Variants in PLK1 observed in about 807,000 individuals in gnomAD.
PLK1 encodes polo like kinase 1.
A neutral mutation model predicts 56.7 loss-of-function variants in PLK1; 6 were observed. The observed-to-expected ratio is 0.11, with a 90% CI of 0.06 to 0.21. PLK1 has a LOEUF of 0.21. Ranked by LOEUF, PLK1 falls within the 10% of genes least tolerant of loss-of-function variation. PLK1 has a pLI of 1.00. For synonymous variants in PLK1, 298 were observed against 325.0 expected (o/e 0.92, Z 0.89); for missense variants, 546 against 814.4 (o/e 0.67, Z 4.01).
chr16:23,680,408 A>G (rs1333001956), intron 2 of PLK1, among the ~76,000 whole-genome samples, 156 bp downstream of exon 2: 2 of 152,186 alleles, frequency 1.3e-5, no homozygotes, highest in African/African-American at 4.8e-5. Flanking sequence ...TTTTTTACAA[A>G]GAATTTGAAT....
chr16:23,690,199 G>C lies in PLK1; in HGVS notation c.*136G>C, dbSNP rs1390842065. ...GGCTGGGCAGAGCTGCATCATCCTT[G>C]CAGGTGGGGGTTGCTGTATAAGTTA... On this transcript the variant is annotated 3_prime_UTR_variant, in exon 10 of 10. Coordinates refer to ENST00000300093, the MANE Select transcript of PLK1 (RefSeq NM_005030.6). 1.4e-6 allele frequency: 1 copy of C among 699,232 alleles called. No individual in the cohort carries two copies. The highest frequency in any genetic ancestry group is 2.5e-5 in the East Asian group (1 of 39,522). The allele number at this position is 699,232 out of a possible 1,614,324, so 43.3% of individuals were successfully genotyped here.
intron 5 of PLK1, 24 bp from the exon 6 acceptor site, chr16:23,687,445 C>A (rs1282399372): frequency 1.3e-6 from 2 of 1,531,994 alleles, no homozygotes; most frequent in Admixed American, 3.8e-5. Flanking sequence ...CTTCCCAACG[C>A]CCCTGTTTTT....
At chr16:23,687,830 A>T in intron 6 of PLK1, 1 of 387,100 alleles carries the variant, frequency 2.6e-6, no homozygotes, top group East Asian at 3.8e-5. Context: ...TAGCACCTCG[A>T]TGTGCCACCT....
rs373051341 is a variant in PLK1, at chr16:23,690,240, G to A, written c.*177G>A. 2.4e-5 allele frequency: 15 copies of A among 616,910 alleles called. No individual in the cohort carries two copies. The highest frequency in any genetic ancestry group is 3.5e-5 in the Non-Finnish European group (12 of 343,336). 38.2% of individuals were successfully genotyped at this position (616,910 alleles called of 1,614,324 possible). On this transcript the variant is annotated 3_prime_UTR_variant, in exon 10 of 10. Coordinates refer to ENST00000300093, the MANE Select transcript of PLK1 (RefSeq NM_005030.6). ...GTATAAGTTATTTTTGTACATGTTC[G>A]GGTGTGGGTTCTACAGCCTTGTCCC...
At chr16:23,686,194 G>A (rs537710402) in intron 5 of PLK1, among the ~76,000 whole-genome samples, 9 of 151,974 alleles carry the variant, frequency 5.9e-5, no homozygotes, top group South Asian at 2.1e-4. Flanking sequence ...ATGTGCCACC[G>A]CGTCTGACCA....
intron 3 of PLK1, among the ~76,000 whole-genome samples, chr16:23,681,375 C>T (rs1054485471): frequency 1.3e-5 from 2 of 152,190 alleles, no homozygotes; most frequent in African/African-American, 4.8e-5. Context: ...TACACAATCT[C>T]AGGACCCAGA....
At chr16:23,685,533 G>A (rs923936141) in intron 5 of PLK1, among the ~76,000 whole-genome samples, 3 of 151,774 alleles carry the variant, frequency 2.0e-5, no homozygotes, top group Admixed American at 6.6e-5. Flanking sequence ...ATGGCGAAAC[G>A]CTGTCTCTAC....
chr16:23,688,815 T>C (rs1425280148), intron 7 of PLK1, 70 bp downstream of exon 7: 5 of 1,080,346 alleles, frequency 4.6e-6, no homozygotes, highest in Non-Finnish European at 7.2e-6. Flanking sequence ...TTACAGACTC[T>C]GGCCTTTTTG....
chr16:23,689,930 G>A lies in PLK1; in HGVS notation c.1679G>A (p.Arg560His), dbSNP rs143546758. 1.2e-5 allele frequency: 19 copies of A among 1,613,940 alleles called. No individual in the cohort carries two copies. The African/African-American group carries it at 1.5e-4, about 12-fold the overall frequency. ...VTYIDEKRDFRTYRLSLLEEY... is the reference protein window; with the variant it reads ...VTYIDEKRDFHTYRLSLLEEY... ...TACATCGACGAGAAGCGGGACTTCC[G>A]CACATACCGCCTGAGTCTCCTGGAG... The change falls in exon 10 of 10, where the codon CGC (arginine) becomes CAC (histidine). Residue 560 changes from arginine (R) to histidine (H), a missense_variant. Physicochemically the swap from Arg to His is conservative, Grantham distance 29. Coordinates refer to ENST00000300093, the MANE Select transcript of PLK1 (RefSeq NM_005030.6). This position sits in a 1 kb window ranked among gnomAD's most constrained non-coding sequence, Gnocchi z 4.8.
intron 6 of PLK1, 76 bp from the exon 7 acceptor site, chr16:23,688,592 G>A: frequency 8.6e-7 from 1 of 1,168,982 alleles, no homozygotes; most frequent in East Asian, 2.3e-5. Flanking sequence ...CTGTTCCCTG[G>A]TGTGGGCCAC....
chr16:23,688,824 T>C, intron 7 of PLK1, 79 bp downstream of exon 7: 2 of 990,070 alleles, frequency 2.0e-6, no homozygotes, highest in Non-Finnish European at 3.3e-6. Flanking sequence ...CTGGCCTTTT[T>C]GAGCTCCCAG....
chr16:23,680,137 ATAC>A lies in PLK1; in HGVS notation c.466_468del (p.Tyr156del). 6.2e-7 allele frequency: 1 copy of A among 1,613,978 alleles called. No homozygotes were observed. The highest frequency in any genetic ancestry group is 8.5e-7 in the Non-Finnish European group (1 of 1,179,962). ...AAGCCCTGACTGAGCCTGAGGCCCG[ATAC>A]TACCTACGGCAAATTGTGCTTGGCT... On this transcript the variant is annotated inframe_deletion, in exon 2 of 10. Coordinates refer to ENST00000300093, the MANE Select transcript of PLK1 (RefSeq NM_005030.6).
intron 3 of PLK1, 39 bp from the exon 4 acceptor site, chr16:23,682,025 G>C (rs1361082618): frequency 1.9e-6 from 2 of 1,040,840 alleles, no homozygotes; most frequent in African/African-American, 3.1e-5. Flanking sequence ...CTGGGTTGTG[G>C]CTGGGAGACT....
chr16:23,683,812 T>C, intron 4 of PLK1, 58 bp from the exon 5 acceptor site: 1 of 1,331,150 alleles, frequency 7.5e-7, no homozygotes, highest in Non-Finnish European at 1.1e-6. Flanking sequence ...TTTGAGGCCG[T>C]ACTGTACTCC....
chr16:23,682,472 T>C (rs567105205), intron 4 of PLK1, among the ~76,000 whole-genome samples: 13 of 151,380 alleles, frequency 8.6e-5, no homozygotes, highest in South Asian at 6.2e-4. Context: ...TTTATCTTAA[T>C]TCAAATGGAT....
rs1436190197 is a variant in PLK1 at position 23,684,084 on chromosome 16, A to G, written c.1031A>G (p.Asn344Ser). 8 of 1,612,990 alleles carry G rather than the reference A, an allele frequency of 5.0e-6. No homozygotes were observed. Among genetic ancestry groups the G allele is most frequent in the Non-Finnish European group, 6.8e-6 (8 of 1,179,008 alleles). The change falls in exon 5 of 10, where the codon AAT becomes AGT. Residue 344 changes from asparagine to serine, a missense_variant. Around this residue, in one of 7 missense-constraint regions of PLK1, gnomAD observed 157 missense variants for 184.0 expected, o/e 0.85. Transcript: ENST00000300093. Reference protein sequence around the residue: ...PSNRKPLTVLNKGLENPLPER... With the variant: ...PSNRKPLTVLSKGLENPLPER... ...AACCGGAAGCCCCTCACAGTCCTCA[A>G]TAAAGGTACAACAAGGGTCTGGGTA... is the stretch of plus-strand genomic sequence containing the variant.
intron 4 of PLK1, among the ~76,000 whole-genome samples, chr16:23,682,952 A>G (rs1375832268): frequency 2.0e-5 from 3 of 148,110 alleles, no homozygotes; most frequent in Non-Finnish European, 4.5e-5. Flanking sequence ...TGTGAATCCC[A>G]GGGCTTCCTA....
chr16:23,684,957 C>CTTTTTTTTTTTTTTTTTTTT (rs71154221), intron 5 of PLK1, among the ~76,000 whole-genome samples: 1 of 56,944 alleles, frequency 1.8e-5, no homozygotes, highest in Non-Finnish European at 3.3e-5. Flanking sequence ...CAGGCCCGGC[C>CTTTTTTTTTTTTTTTTTTTT]TTTTTTTTTT....
At position 23,680,064 on chromosome 16, in the gene PLK1, C is replaced by T; in HGVS notation, c.409-20C>T. 6.2e-7 allele frequency: 1 copy of T among 1,602,926 alleles called. No individual in the cohort carries two copies. Among genetic ancestry groups the T allele is most frequent in the Non-Finnish European group, 8.5e-7 (1 of 1,170,784 alleles). ...CAATCCACCTCCCCATCCCTCCTGC[C>T]CTCTCCTTCCCACCCACAGTCTCTC... On this transcript the variant is annotated intron_variant, in intron 1 of 9. Coordinates refer to ENST00000300093, the MANE Select transcript of PLK1 (RefSeq NM_005030.6).
Sources: allele counts gnomAD v4.1 joint callset (sites outside exome capture counted in the v4.1 genomes callset), GRCh38; gene constraint gnomAD v4.1.1; regional missense constraint gnomAD v4.1.1; non-coding constraint Gnocchi (gnomAD v3.1); transcripts MANE v1.5; gene names NCBI Gene and HGNC (gene_info 2026-07-23, HGNC 2026-07-21).